The following WDR45B variants were observed in gnomAD, a reference collection of about 807,000 sequenced individuals.
WDR45B encodes the protein WD repeat domain phosphoinositide-interacting protein 3.
In WDR45B, 20 loss-of-function variants were observed where a neutral mutation model predicts 44.6. The ratio of observed to expected loss-of-function variants is 0.45; its 90% CI spans 0.32 to 0.65. WDR45B has a LOEUF of 0.65. WDR45B is among the 30% of genes least tolerant of loss of function. The pLI is 0.05. For synonymous variants in WDR45B, 169 were observed against 164.9 expected, an observed-to-expected ratio of 1.02 and a Z score of -0.19; for missense variants, 323 against 430.2, an observed-to-expected ratio of 0.75 and a Z score of 2.20.
intron 6 of WDR45B, among the ~76,000 whole-genome samples, chr17:82,619,930 A>T (rs146481439): frequency 1.8e-3 from 281 of 152,258 alleles, no homozygotes; most frequent in African/African-American, 6.3e-3. Context: ...CCCGGAGGGC[A>T]CCGCTGCGGC....
At chr17:82,643,914 G>A (rs761892654) in intron 2 of WDR45B, 35 bp downstream of exon 2, 5 of 1,604,710 alleles carry the variant, frequency 3.1e-6, no homozygotes, top group Non-Finnish European at 4.3e-6. Context: ...GGGTTGGAAA[G>A]GGGAGAAACC....
intron 1 of WDR45B, among the ~76,000 whole-genome samples, chr17:82,644,899 G>C (rs529645475): frequency 2.0e-4 from 30 of 152,196 alleles, no homozygotes; most frequent in African/African-American, 6.8e-4. Context: ...AGCAGCTCAC[G>C]CCTGCAATCC....
intron 3 of WDR45B, among the ~76,000 whole-genome samples, chr17:82,629,059 A>T (rs2045735259): frequency 6.6e-6 from 1 of 152,226 alleles, no homozygotes; most frequent in African/African-American, 2.4e-5. Flanking sequence ...AAACGCTACA[A>T]AAAGTACATT....
At chr17:82,640,639 C>T (rs1434197131) in intron 2 of WDR45B, among the ~76,000 whole-genome samples, 2 of 152,092 alleles carry the variant, frequency 1.3e-5, no homozygotes, top group East Asian at 3.9e-4. Context: ...CTGGCCTGCT[C>T]TTCATTGTTA....
intron 2 of WDR45B, among the ~76,000 whole-genome samples, chr17:82,632,751 G>A (rs1050285908): frequency 6.6e-6 from 1 of 152,120 alleles, no homozygotes; most frequent in Non-Finnish European, 1.5e-5. Context: ...AAGGCAGCCG[G>A]GCACAGTGGC....
rs749691371 is a variant in WDR45B, at chr17:82,648,374, C to T, written c.-34G>A. ...CGTGCTGGGTCGCCGCTCCTCAGCGCTGCATGCCTCTCGCTGGGGACGGCG... is the reference window on the plus strand; with the variant it reads ...CGTGCTGGGTCGCCGCTCCTCAGCGTTGCATGCCTCTCGCTGGGGACGGCG... On this transcript the variant is annotated 5_prime_UTR_variant, in exon 1 of 10. Coordinates refer to ENST00000392325, the MANE Select transcript of WDR45B (RefSeq NM_019613.4). 31 of 1,598,112 alleles carry T rather than the reference C, an allele frequency of 1.9e-5. No homozygotes were observed. The highest frequency in any genetic ancestry group is 4.4e-4 in the Middle Eastern group (2 of 4,592).
intron 4 of WDR45B, 176 bp from the exon 5 acceptor site, chr17:82,625,659 G>T: frequency 1.5e-6 from 1 of 652,516 alleles, no homozygotes. Flanking sequence ...GGAGCTCGGC[G>T]AGTGCACGTG....
chr17:82,638,789 A>C (rs1440598474), intron 2 of WDR45B, among the ~76,000 whole-genome samples: 1 of 152,110 alleles, frequency 6.6e-6, no homozygotes, highest in Non-Finnish European at 1.5e-5. Context: ...AACAACACAG[A>C]AAAGCATAAA....
intron 3 of WDR45B, 137 bp from the exon 4 acceptor site, chr17:82,627,428 C>T (rs2045712757): frequency 1.3e-6 from 1 of 749,004 alleles, no homozygotes; most frequent in Non-Finnish European, 2.3e-6. Flanking sequence ...CTCAGACACA[C>T]ACCCGCACCT....
rs901374 is a variant in WDR45B, at chr17:82,628,654, C to A, written c.245-1363G>T. Among the ~76,000 whole-genome samples, 355 of 151,942 alleles carry A rather than the reference C, an allele frequency of 2.3e-3. 3 individuals carry two copies. The highest frequency in any genetic ancestry group is 8.2e-3 in the African/African-American group (341 of 41,426). On this transcript the variant is annotated intron_variant, in intron 3 of 9. Coordinates refer to ENST00000392325, the MANE Select transcript of WDR45B (RefSeq NM_019613.4). ...TGAGGCTGCAGTGAGCTATGATCACCCCACTGCACTCCAAGCTGGGCAACA... is the reference window on the plus strand; with the variant it reads ...TGAGGCTGCAGTGAGCTATGATCACACCACTGCACTCCAAGCTGGGCAACA...
At chr17:82,632,084 TAAATAAATAAAAACAA>T (rs1404276046) in intron 2 of WDR45B, among the ~76,000 whole-genome samples, 2 of 98,128 alleles carry the variant, frequency 2.0e-5, no homozygotes, top group Non-Finnish European at 4.1e-5. Context: ...TATCTCAAGA[TAAATAAATAAAAACAA>T]AAATAAAAAC....
chr17:82,619,306 G>A (rs1159479530), intron 6 of WDR45B, among the ~76,000 whole-genome samples, 178 bp from the exon 7 acceptor site: 1 of 152,106 alleles, frequency 6.6e-6, no homozygotes, highest in Non-Finnish European at 1.5e-5. Flanking sequence ...CCCTGAGAAC[G>A]AGTTGGTTGG....
At chr17:82,627,377 G>GAAA (rs2045712025) in intron 3 of WDR45B, 86 bp from the exon 4 acceptor site, 1 of 1,158,384 alleles carries the variant, frequency 8.6e-7, no homozygotes, top group Non-Finnish European at 1.3e-6. Flanking sequence ...CGCCTAAGGT[G>GAAA]TTTTCTCTTC....
Position 82,615,904 on chromosome 17 carries a change from C to T in WDR45B, c.*15G>A, listed in dbSNP as rs751217188. ...AGGCGGCAGGTGGTGGGTGCTGTGG[C>T]GCCCCCAGCTGGAGTCACAGCTTGT... is the stretch of plus-strand genomic sequence containing the variant. On this transcript the variant is annotated 3_prime_UTR_variant, in exon 10 of 10. Coordinates refer to ENST00000392325, the MANE Select transcript of WDR45B (RefSeq NM_019613.4). 8.1e-6 allele frequency: 13 copies of T among 1,607,956 alleles called. No individual in the cohort carries two copies. Among genetic ancestry groups the T allele is most frequent in the Middle Eastern group, 1.7e-4 (1 of 5,810 alleles).
intron 5 of WDR45B, among the ~76,000 whole-genome samples, chr17:82,622,701 C>T (rs1053273156): frequency 1.3e-5 from 2 of 151,856 alleles, no homozygotes; most frequent in African/African-American, 2.4e-5. Flanking sequence ...CACAGTGCTG[C>T]GATTACAGGC....
intron 2 of WDR45B, among the ~76,000 whole-genome samples, chr17:82,641,261 G>A (rs937998511): frequency 1.3e-5 from 2 of 152,046 alleles, no homozygotes; most frequent in Non-Finnish European, 2.9e-5. Flanking sequence ...GCCACCGTGC[G>A]GGCCGTCAAA....
rs756901861 is a variant in WDR45B, at chr17:82,615,905, G to T, written c.*14C>A. ...GGCGGCAGGTGGTGGGTGCTGTGGCGCCCCCAGCTGGAGTCACAGCTTGTC... is the reference window on the plus strand; with the variant it reads ...GGCGGCAGGTGGTGGGTGCTGTGGCTCCCCCAGCTGGAGTCACAGCTTGTC... On this transcript the variant is annotated 3_prime_UTR_variant, in exon 10 of 10. Transcript: ENST00000392325. The T allele has an allele frequency of 3.1e-6, 5 of 1,608,270 alleles. No homozygotes were observed. In the Admixed American group the frequency reaches 8.4e-5, roughly 27 times the overall value.
chr17:82,617,201 C>T, intron 8 of WDR45B, 95 bp downstream of exon 8: 1 of 1,131,630 alleles, frequency 8.8e-7, no homozygotes, highest in South Asian at 1.3e-5. Context: ...GTCCACACCA[C>T]CCTGCTGGGG....
intron 2 of WDR45B, among the ~76,000 whole-genome samples, chr17:82,640,247 A>T (rs1166487453): frequency 6.6e-6 from 1 of 152,180 alleles, no homozygotes; most frequent in Non-Finnish European, 1.5e-5. Flanking sequence ...CAGATCCAGG[A>T]CACACTGTCA....
Sources: allele counts gnomAD v4.1 joint callset (sites outside exome capture counted in the v4.1 genomes callset), GRCh38; gene constraint gnomAD v4.1.1; transcripts MANE v1.5; gene names NCBI Gene and HGNC (gene_info 2026-07-23, HGNC 2026-07-21).